The following CCSER1 variants were observed in gnomAD, a reference collection of about 807,000 sequenced individuals.
The protein encoded by CCSER1 is serine-rich coiled-coil domain-containing protein 1.
CCSER1 carries 41 observed loss-of-function variants against 82.0 expected under a neutral mutation model. The ratio of observed to expected loss-of-function variants is 0.50; its 90% CI spans 0.39 to 0.65. The LOEUF (loss-of-function observed/expected upper bound fraction) is 0.65, where lower values mean the gene tolerates loss of function less well. Among genes scored for constraint, CCSER1 ranks in the 30% least tolerant of loss-of-function variants. The pLI, the probability that CCSER1 is intolerant of heterozygous loss-of-function variation, is 0.00. For synonymous variants in CCSER1, 414 were observed against 383.9 expected, an observed-to-expected ratio of 1.08 and a Z score of -0.92; for missense variants, 1,119 against 1,064.2, an observed-to-expected ratio of 1.05 and a Z score of -0.72.
At position 91,598,633 on chromosome 4, in the gene CCSER1, A is replaced by G; in HGVS notation, c.2279A>G (p.His760Arg). 3.2e-6 allele frequency: 5 copies of G among 1,551,546 alleles called. No individual in the cohort carries two copies. Among genetic ancestry groups the G allele is most frequent in the Non-Finnish European group, 4.4e-6 (5 of 1,146,910 alleles). ...NLSTRDRKAI[H>R]TPTEDRFRYS... ...AGCACAAGGGACAGAAAAGCAATAC[A>G]TACTCCCACCGAGGACCGTTTTAGG... The change falls in exon 11 of 11, where the codon CAT (histidine) becomes CGT (arginine). Residue 760 changes from histidine to arginine, a missense_variant. His to Arg is a conservative substitution (Grantham distance 29, BLOSUM62 0). Transcript: ENST00000509176.
intron 6 of CCSER1, among the ~76,000 whole-genome samples, chr4:90,653,533 A>T (rs1436027292): frequency 6.6e-6 from 1 of 152,164 alleles, no homozygotes; most frequent in South Asian, 2.1e-4. Flanking sequence ...CAGTATTTAT[A>T]TTAATAATAT....
intron 6 of CCSER1, among the ~76,000 whole-genome samples, chr4:90,629,565 T>TC (rs1287570524): frequency 6.6e-6 from 1 of 152,056 alleles, no homozygotes; most frequent in African/African-American, 2.4e-5. Flanking sequence ...TCCACCTGCC[T>TC]CCCCCACCCT....
intron 10 of CCSER1, among the ~76,000 whole-genome samples, chr4:91,186,872 G>T (rs1178849337): frequency 6.6e-6 from 1 of 152,170 alleles, no homozygotes; most frequent in Admixed American, 6.5e-5. Context: ...GCCCTGGGAG[G>T]GCCAGGTGTT....
chr4:90,666,283 G>C (rs558883057), intron 6 of CCSER1, among the ~76,000 whole-genome samples: 2 of 152,184 alleles, frequency 1.3e-5, no homozygotes, highest in South Asian at 4.2e-4. Flanking sequence ...TTTAAATCTT[G>C]ATTACTAAGT....
chr4:90,623,345 A>AT (rs35974323), intron 5 of CCSER1, among the ~76,000 whole-genome samples: 24 of 149,780 alleles, frequency 1.6e-4, no homozygotes, highest in East Asian at 5.9e-4. Context: ...GGATGGCAGG[A>AT]TTTTTTTTTT....
At chr4:90,697,056 A>G (rs1477930560) in intron 6 of CCSER1, among the ~76,000 whole-genome samples, 2 of 152,148 alleles carry the variant, frequency 1.3e-5, no homozygotes, top group East Asian at 1.9e-4. Context: ...AGACTTAGTG[A>G]GGGCAAAGAG....
chr4:91,366,702 A>G (rs1023255504), intron 10 of CCSER1, among the ~76,000 whole-genome samples: 1 of 152,198 alleles, frequency 6.6e-6, no homozygotes, highest in African/African-American at 2.4e-5. Flanking sequence ...GGACTTACAC[A>G]TAATCTTATT....
At chr4:90,827,820 C>G (rs914645708) in intron 8 of CCSER1, among the ~76,000 whole-genome samples, 16 of 152,106 alleles carry the variant, frequency 1.1e-4, no homozygotes, top group African/African-American at 1.4e-4. Flanking sequence ...AGAATAGTTA[C>G]ACAAATTTAT....
At chr4:90,482,625 A>G (rs1014263140) in intron 5 of CCSER1, among the ~76,000 whole-genome samples, 1 of 152,056 alleles carries the variant, frequency 6.6e-6, no homozygotes, top group Admixed American at 6.6e-5. Context: ...TCATTTTGTT[A>G]TGTACCCAGT....
chr4:91,266,114 G>A (rs983675819), intron 10 of CCSER1, among the ~76,000 whole-genome samples: 1 of 152,128 alleles, frequency 6.6e-6, no homozygotes, highest in African/African-American at 2.4e-5. Flanking sequence ...GCTACAACAC[G>A]TGGAAATTAT....
intron 10 of CCSER1, among the ~76,000 whole-genome samples, chr4:91,252,365 CA>C (rs982494646): frequency 6.6e-6 from 1 of 151,268 alleles, no homozygotes; most frequent in African/African-American, 2.4e-5. Context: ...TAGAAGGACA[CA>C]AAATAATAAC....
At chr4:90,276,147 G>C (rs541624825) in intron 1 of CCSER1, among the ~76,000 whole-genome samples, 1 of 149,694 alleles carries the variant, frequency 6.7e-6, no homozygotes, top group South Asian at 2.1e-4. Flanking sequence ...TGTGTCTCCT[G>C]GAATCTTTAT....
chr4:91,246,653 C>G (rs1739800191), intron 10 of CCSER1, among the ~76,000 whole-genome samples: 1 of 152,090 alleles, frequency 6.6e-6, no homozygotes, highest in South Asian at 2.1e-4. Flanking sequence ...CCATCAACAA[C>G]AAATGAATGG....
chr4:91,150,399 TA>T (rs1730047283), intron 10 of CCSER1, among the ~76,000 whole-genome samples: 1 of 152,226 alleles, frequency 6.6e-6, no homozygotes, highest in Non-Finnish European at 1.5e-5. Flanking sequence ...TGGGGTTTTC[TA>T]AATATACAAT....
intron 1 of CCSER1, among the ~76,000 whole-genome samples, chr4:90,286,446 T>C (rs1424108468): frequency 6.6e-6 from 1 of 152,106 alleles, no homozygotes; most frequent in African/African-American, 2.4e-5. Flanking sequence ...AAAAATTTTA[T>C]AGAATTATTT....
chr4:91,039,541 A>G (rs1741741673), intron 9 of CCSER1, among the ~76,000 whole-genome samples: 1 of 152,140 alleles, frequency 6.6e-6, no homozygotes, highest in Admixed American at 6.6e-5. Context: ...ATTGAATGGA[A>G]ATGGTAAAAT....
At chr4:90,575,473 C>A (rs1780631484) in intron 5 of CCSER1, among the ~76,000 whole-genome samples, 1 of 152,214 alleles carries the variant, frequency 6.6e-6, no homozygotes, top group Non-Finnish European at 1.5e-5. Context: ...AAAGGTCCCA[C>A]TTCTCACACT....
chr4:90,272,970 T>TC (rs1481970626), intron 1 of CCSER1, among the ~76,000 whole-genome samples: 39 of 152,062 alleles, frequency 2.6e-4, no homozygotes, highest in African/African-American at 8.9e-4. Context: ...GCCAATGCAC[T>TC]CCAGCCTGGG....
intron 10 of CCSER1, among the ~76,000 whole-genome samples, chr4:91,292,356 T>A (rs1314268741): frequency 6.6e-6 from 1 of 152,052 alleles, no homozygotes; most frequent in Non-Finnish European, 1.5e-5. Context: ...CAAAAGACAC[T>A]GAATTTTTAT....
Sources: gnomAD v4.1 joint callset for allele counts (sites outside exome capture counted in the v4.1 genomes callset) on GRCh38, gnomAD v4.1.1 for gene constraint, MANE v1.5 for transcripts, NCBI Gene and HGNC (gene_info 2026-07-23, HGNC 2026-07-21) for gene names.